The following NLGN1 variants were observed in gnomAD, a reference collection of about 807,000 sequenced individuals.
The protein encoded by NLGN1 is neuroligin 1.
In NLGN1, 12 loss-of-function variants were observed where a neutral mutation model predicts 65.5. The ratio of observed to expected loss-of-function variants is 0.18; its 90% CI spans 0.12 to 0.30. The LOEUF is 0.30. NLGN1 is among the 10% of genes least tolerant of loss of function. NLGN1 has a pLI of 1.00. For synonymous variants in NLGN1, 350 were observed against 359.5 expected, an observed-to-expected ratio of 0.97 and a Z score of 0.30; for missense variants, 750 against 1,007.1, an observed-to-expected ratio of 0.74 and a Z score of 3.46.
chr3:173,772,780 A>G (rs1779767691), intron 3 of NLGN1, among the ~76,000 whole-genome samples: 1 of 152,150 alleles, frequency 6.6e-6, no homozygotes, highest in Non-Finnish European at 1.5e-5. Flanking sequence ...CCTGCTCCTC[A>G]GTGACACCCA....
intron 4 of NLGN1, among the ~76,000 whole-genome samples, chr3:174,262,009 C>T (rs1040366758): frequency 7.0e-6 from 1 of 142,956 alleles, no homozygotes; most frequent in Non-Finnish European, 1.5e-5. Flanking sequence ...TATATTGAAC[C>T]AGCCTTGCAT....
intron 3 of NLGN1, among the ~76,000 whole-genome samples, chr3:173,676,964 G>A (rs1763254691): frequency 6.6e-6 from 1 of 152,040 alleles, no homozygotes; most frequent in Non-Finnish European, 1.5e-5. Flanking sequence ...AATATTTGTT[G>A]AATTAATTTA....
intron 3 of NLGN1, among the ~76,000 whole-genome samples, chr3:173,722,761 A>G (rs1700912604): frequency 6.6e-6 from 1 of 152,178 alleles, no homozygotes; most frequent in Non-Finnish European, 1.5e-5. Context: ...ACCATCATTA[A>G]TGATAATGTT....
intron 4 of NLGN1, among the ~76,000 whole-genome samples, chr3:173,816,555 A>T (rs1306905951): frequency 6.6e-6 from 1 of 152,244 alleles, no homozygotes; most frequent in East Asian, 1.9e-4. Flanking sequence ...AAAAACCTGC[A>T]TTATAACAGC....
chr3:173,412,311 G>GAC (rs71162345), intron 1 of NLGN1, among the ~76,000 whole-genome samples: 6,842 of 147,342 alleles, frequency 0.046, 159 homozygotes, highest in South Asian at 0.049. Flanking sequence ...CTCTCACTCT[G>GAC]ACACACACAC....
intron 4 of NLGN1, among the ~76,000 whole-genome samples, chr3:174,094,769 A>AAG (rs1553932377): frequency 2.7e-5 from 4 of 145,994 alleles, no homozygotes; most frequent in African/African-American, 1.0e-4. Flanking sequence ...AAAAAAAAAA[A>AAG]GTCAAGCATA....
intron 4 of NLGN1, among the ~76,000 whole-genome samples, chr3:173,835,595 A>ACACACACACACT (rs752687864): frequency 5.3e-5 from 8 of 151,860 alleles, no homozygotes; most frequent in Non-Finnish European, 1.0e-4. Flanking sequence ...ACACACACAC[A>ACACACACACACT]CACACACACA....
chr3:174,190,050 TTAGGA>T, intron 4 of NLGN1, among the ~76,000 whole-genome samples: 1 of 152,066 alleles, frequency 6.6e-6, no homozygotes. Context: ...ATGATATCAC[TTAGGA>T]CATAGAGTGG....
intron 2 of NLGN1, among the ~76,000 whole-genome samples, chr3:173,596,815 A>G (rs1208021029): frequency 2.0e-5 from 3 of 152,052 alleles, no homozygotes; most frequent in African/African-American, 7.2e-5. Flanking sequence ...TAATTGTTTT[A>G]TATTTTTCCC....
intron 4 of NLGN1, among the ~76,000 whole-genome samples, chr3:173,892,279 GT>G (rs1324433899): frequency 6.7e-6 from 1 of 150,082 alleles, no homozygotes; most frequent in African/African-American, 2.5e-5. Context: ...GTCTCTGTGT[GT>G]CATATCCTCC....
At chr3:174,149,513 G>GCTT (rs1723933334) in intron 4 of NLGN1, among the ~76,000 whole-genome samples, 1 of 152,028 alleles carries the variant, frequency 6.6e-6, no homozygotes, top group Admixed American at 6.6e-5. Context: ...TAATGTTTAT[G>GCTT]CTTTGTTCAA....
intron 4 of NLGN1, among the ~76,000 whole-genome samples, chr3:173,886,342 T>C (rs2150953788): frequency 6.6e-6 from 1 of 152,238 alleles, no homozygotes; most frequent in Admixed American, 6.5e-5. Context: ...TCAAATTTAC[T>C]GTTACATGAA....
intron 4 of NLGN1, among the ~76,000 whole-genome samples, chr3:174,270,283 A>C (rs1160913785): frequency 1.3e-5 from 2 of 151,150 alleles, no homozygotes; most frequent in Admixed American, 1.3e-4. Context: ...TTAGGAGTTT[A>C]ATAGTTTTGG....
intron 1 of NLGN1, among the ~76,000 whole-genome samples, chr3:173,427,945 C>A (rs115722034): frequency 6.6e-6 from 1 of 150,432 alleles, no homozygotes; most frequent in African/African-American, 2.4e-5. Flanking sequence ...CAGTCTGTCT[C>A]TTTCTTTATA....
At chr3:174,078,384 C>CA (rs1741447166) in intron 4 of NLGN1, among the ~76,000 whole-genome samples, 1 of 152,150 alleles carries the variant, frequency 6.6e-6, no homozygotes, top group Non-Finnish European at 1.5e-5. Flanking sequence ...TAATAGTGAT[C>CA]AACTGTCCAT....
intron 2 of NLGN1, among the ~76,000 whole-genome samples, chr3:173,490,557 A>C (rs1030978339): frequency 6.6e-6 from 1 of 151,830 alleles, no homozygotes; most frequent in Non-Finnish European, 1.5e-5. Context: ...TTTTGGCTTA[A>C]GATTGACTTG....
intron 4 of NLGN1, among the ~76,000 whole-genome samples, chr3:174,013,561 G>A (rs1725962370): frequency 6.6e-6 from 1 of 152,182 alleles, no homozygotes; most frequent in South Asian, 2.1e-4. Context: ...AAAATTATTG[G>A]TGATTGAATA....
At chr3:173,700,994 G>T (rs1026646838) in intron 3 of NLGN1, among the ~76,000 whole-genome samples, 1 of 152,012 alleles carries the variant, frequency 6.6e-6, no homozygotes, top group Admixed American at 6.6e-5. Context: ...GCGTGGTGGC[G>T]GGCGCCTGTA....
At chr3:173,480,438 A>G (rs1397516351) in intron 2 of NLGN1, among the ~76,000 whole-genome samples, 4 of 152,092 alleles carry the variant, frequency 2.6e-5, no homozygotes, top group Non-Finnish European at 5.9e-5. Context: ...AGCCTGCTAT[A>G]TTGGTGATGG....
Sources: gnomAD v4.1 joint callset for allele counts (sites outside exome capture counted in the v4.1 genomes callset) on GRCh38, gnomAD v4.1.1 for gene constraint, MANE v1.5 for transcripts, NCBI Gene and HGNC (gene_info 2026-07-23, HGNC 2026-07-21) for gene names.